The following SLC24A2 variants were observed in gnomAD, a reference collection of about 807,000 sequenced individuals.
The protein encoded by SLC24A2 is sodium/potassium/calcium exchanger 2.
In SLC24A2, 36 loss-of-function variants were observed where a neutral mutation model predicts 62.0. The observed-to-expected ratio is 0.58, with a 90% CI of 0.44 to 0.77. The LOEUF (loss-of-function observed/expected upper bound fraction) is 0.77, where lower values mean the gene tolerates loss of function less well. Ranked by LOEUF, SLC24A2 falls within the 30% of genes least tolerant of loss-of-function variation. The probability of loss-of-function intolerance (pLI) is 0.00; values close to 1 mark genes in which losing one functional copy is unlikely to be tolerated. For missense variants in SLC24A2, 846 were observed against 817.9 expected (o/e 1.03, Z -0.42); for synonymous variants, 358 against 294.0 (o/e 1.22, Z -2.23).
the SLC24A2 span, among the ~76,000 whole-genome samples, chr9:19,819,808 G>T: frequency 1.3e-5 from 2 of 151,644 alleles, no homozygotes; most frequent in South Asian, 2.1e-4. Flanking sequence ...ATTCCTCAAA[G>T]AACTAAAAGT....
chr9:19,560,632 A>C (rs1214530172), intron 7 of SLC24A2, among the ~76,000 whole-genome samples: 1 of 152,158 alleles, frequency 6.6e-6, no homozygotes, highest in Non-Finnish European at 1.5e-5. Flanking sequence ...CTGTGGCAAA[A>C]TAAACTGTTG....
At chr9:20,130,241 A>G in the SLC24A2 span, among the ~76,000 whole-genome samples, 1 of 152,126 alleles carries the variant, frequency 6.6e-6, no homozygotes, top group African/African-American at 2.4e-5. Flanking sequence ...AATAAGCCAT[A>G]AATATCTACT....
the SLC24A2 span, among the ~76,000 whole-genome samples, chr9:19,969,763 T>C: frequency 6.6e-6 from 1 of 152,188 alleles, no homozygotes; most frequent in Admixed American, 6.5e-5. Context: ...TTAAAGATCA[T>C]AGAGCTTGTA....
At chr9:19,534,337 T>C (rs1833853752) in intron 8 of SLC24A2, among the ~76,000 whole-genome samples, 1 of 152,208 alleles carries the variant, frequency 6.6e-6, no homozygotes, top group Non-Finnish European at 1.5e-5. Context: ...ACAATATAAA[T>C]TGTACATTTT....
the SLC24A2 span, among the ~76,000 whole-genome samples, chr9:20,289,756 G>A: frequency 6.6e-6 from 1 of 152,066 alleles, no homozygotes; most frequent in East Asian, 1.9e-4. Flanking sequence ...GCCCCAAAAT[G>A]CCTCCTCCTG....
the SLC24A2 span, among the ~76,000 whole-genome samples, chr9:20,152,562 C>A: frequency 1.3e-5 from 2 of 151,850 alleles, no homozygotes; most frequent in African/African-American, 4.8e-5. Context: ...GGAGTGCTAA[C>A]CTTCTTGCCT....
At chr9:20,042,248 T>C in the SLC24A2 span, among the ~76,000 whole-genome samples, 1 of 152,178 alleles carries the variant, frequency 6.6e-6, no homozygotes, top group Non-Finnish European at 1.5e-5. Context: ...TGGTGGACAT[T>C]TGTGGTGTCT....
the SLC24A2 span, among the ~76,000 whole-genome samples, chr9:19,850,458 A>T: frequency 6.6e-6 from 1 of 152,148 alleles, no homozygotes. Context: ...CCTTTTATTT[A>T]TAGCTTTATT....
chr9:20,175,961 G>T, the SLC24A2 span, among the ~76,000 whole-genome samples: 1 of 151,910 alleles, frequency 6.6e-6, no homozygotes, highest in African/African-American at 2.4e-5. Context: ...TCATGGAGAG[G>T]GTGTGAGCTG....
chr9:19,666,579 T>C (rs1271764937), intron 2 of SLC24A2, among the ~76,000 whole-genome samples: 2 of 152,210 alleles, frequency 1.3e-5, no homozygotes, highest in Non-Finnish European at 2.9e-5. Flanking sequence ...TTTGTGCAAC[T>C]ATAAGGTATT....
chr9:20,109,926 A>C, the SLC24A2 span, among the ~76,000 whole-genome samples: 93 of 152,270 alleles, frequency 6.1e-4, 1 homozygote, highest in Non-Finnish European at 1.2e-3. Flanking sequence ...TATTTCCATT[A>C]ACATTTTTCT....
chr9:19,940,512 G>A, the SLC24A2 span, among the ~76,000 whole-genome samples: 1 of 152,014 alleles, frequency 6.6e-6, no homozygotes, highest in South Asian at 2.1e-4. Context: ...TGGACTACAT[G>A]AGTGCTCATG....
chr9:20,014,069 G>A, the SLC24A2 span, among the ~76,000 whole-genome samples: 1 of 152,092 alleles, frequency 6.6e-6, no homozygotes, highest in Non-Finnish European at 1.5e-5. Flanking sequence ...TTAGCAGGGT[G>A]TGGTGGTACA....
chr9:20,231,288 G>C, the SLC24A2 span, among the ~76,000 whole-genome samples: 5 of 152,212 alleles, frequency 3.3e-5, no homozygotes, highest in Non-Finnish European at 5.9e-5. Context: ...TTGGTAGCTT[G>C]ATGGGGATGG....
chr9:19,637,850 G>C (rs1323831655), intron 2 of SLC24A2, among the ~76,000 whole-genome samples: 4 of 152,144 alleles, frequency 2.6e-5, no homozygotes, highest in Non-Finnish European at 4.4e-5. Flanking sequence ...ATATGCGGTG[G>C]GAGAGGACAG....
chr9:20,009,789 C>A, the SLC24A2 span, among the ~76,000 whole-genome samples: 1 of 152,080 alleles, frequency 6.6e-6, no homozygotes, highest in African/African-American at 2.4e-5. Context: ...CCAACTCCAG[C>A]TGCAGCATGA....
intron 2 of SLC24A2, among the ~76,000 whole-genome samples, chr9:19,714,209 C>T (rs1820794123): frequency 1.3e-5 from 2 of 152,120 alleles, no homozygotes; most frequent in African/African-American, 4.8e-5. Flanking sequence ...TGACCTATGG[C>T]CACCCTTTTG....
At chr9:20,244,932 G>A in the SLC24A2 span, among the ~76,000 whole-genome samples, 2 of 152,124 alleles carry the variant, frequency 1.3e-5, no homozygotes, top group African/African-American at 4.8e-5. Flanking sequence ...TAAACATTTT[G>A]CAAATGTCTG....
the SLC24A2 span, among the ~76,000 whole-genome samples, chr9:20,291,207 T>C: frequency 6.6e-6 from 1 of 151,940 alleles, no homozygotes; most frequent in South Asian, 2.1e-4. Context: ...AATATGGACG[T>C]GGAAAACACA....
Sources: gnomAD v4.1 joint callset for allele counts (sites outside exome capture counted in the v4.1 genomes callset) on GRCh38, gnomAD v4.1.1 for gene constraint, MANE v1.5 for transcripts, NCBI Gene and HGNC (gene_info 2026-07-23, HGNC 2026-07-21) for gene names.